Variants in RDH12 observed in about 807,000 individuals in gnomAD.
RDH12 encodes all-trans and 9-cis retinol dehydrogenase.
Under a neutral mutation model 34.0 loss-of-function variants are expected in RDH12, and 21 were observed. That is an observed-to-expected ratio of 0.62 (90% CI 0.44 to 0.89). The LOEUF (loss-of-function observed/expected upper bound fraction) is 0.89. Ranked by LOEUF, RDH12 falls within the 40% of genes least tolerant of loss-of-function variation. The probability of loss-of-function intolerance (pLI) is 0.00; values close to 1 mark genes in which losing one functional copy is unlikely to be tolerated. For synonymous variants in RDH12, 198 were observed against 169.9 expected, an observed-to-expected ratio of 1.17 and a Z score of -1.29; for missense variants, 394 against 398.6, an observed-to-expected ratio of 0.99 and a Z score of 0.10.
chr14:67,706,131 G>A (rs2037947902), intron 1 of RDH12: 1 of 152,204 alleles, frequency 6.6e-6, no homozygotes, highest in South Asian at 2.1e-4. Context: ...TACCTAAGAA[G>A]GAGAGAACTG....
At chr14:67,705,391 T>C (rs1026040028) in intron 1 of RDH12, among the ~76,000 whole-genome samples, 2 of 152,242 alleles carry the variant, frequency 1.3e-5, no homozygotes, top group African/African-American at 4.8e-5. Flanking sequence ...GTCAACAGTT[T>C]GAGAAATTTT....
chr14:67,723,136 C>T (rs2038144481), intron 3 of RDH12, among the ~76,000 whole-genome samples: 1 of 152,226 alleles, frequency 6.6e-6, no homozygotes. Flanking sequence ...AAGAAACAAA[C>T]TCTTCTGCCT....
At chr14:67,716,196 C>CAAA (rs11446343) in intron 1 of RDH12, among the ~76,000 whole-genome samples, 3 of 108,726 alleles carry the variant, frequency 2.8e-5, no homozygotes, top group Non-Finnish European at 3.8e-5. Context: ...GACTCCGTCT[C>CAAA]AAAAAAAAAA....
At chr14:67,721,717 T>C (rs2038125052) in intron 2 of RDH12, among the ~76,000 whole-genome samples, 1 of 142,226 alleles carries the variant, frequency 7.0e-6, no homozygotes, top group Admixed American at 7.5e-5. Flanking sequence ...ATGTAATAAT[T>C]GAACACTTAG....
At chr14:67,704,243 G>T (rs1384128353) in intron 1 of RDH12, among the ~76,000 whole-genome samples, 2 of 152,140 alleles carry the variant, frequency 1.3e-5, no homozygotes, top group African/African-American at 4.8e-5. Context: ...TGATTACGGG[G>T]GTAGAAGGAG....
chr14:67,715,517 C>T (rs2038058909), intron 1 of RDH12, among the ~76,000 whole-genome samples: 1 of 152,250 alleles, frequency 6.6e-6, no homozygotes, highest in South Asian at 2.1e-4. Context: ...CTGAGCACCT[C>T]ACCACAGTGC....
intron 1 of RDH12, among the ~76,000 whole-genome samples, chr14:67,711,284 C>T (rs1594859936): frequency 6.6e-6 from 1 of 152,018 alleles, no homozygotes; most frequent in Non-Finnish European, 1.5e-5. Context: ...TTTTCTAATC[C>T]CTATGCCAAA....
intron 7 of RDH12, among the ~76,000 whole-genome samples, chr14:67,728,639 C>A (rs772758437): frequency 2.7e-5 from 4 of 150,454 alleles, no homozygotes; most frequent in African/African-American, 9.8e-5. Context: ...ACATTTAAAG[C>A]ATGTTGTATG....
chr14:67,724,031 C>T (rs550386986), intron 3 of RDH12, among the ~76,000 whole-genome samples: 86 of 152,334 alleles, frequency 5.6e-4, no homozygotes, highest in African/African-American at 1.9e-3. Flanking sequence ...GTGTGCCACC[C>T]CCCACAGAGT....
At chr14:67,704,665 G>A (rs143446862) in intron 1 of RDH12, among the ~76,000 whole-genome samples, 4 of 152,200 alleles carry the variant, frequency 2.6e-5, no homozygotes, top group Non-Finnish European at 5.9e-5. Context: ...GCCCTCATGC[G>A]ACTGGAAAAG....
intron 1 of RDH12, among the ~76,000 whole-genome samples, chr14:67,716,159 T>G (rs1435961353): frequency 6.7e-6 from 1 of 148,712 alleles, no homozygotes; most frequent in East Asian, 2.0e-4. Context: ...ATCACGCCAC[T>G]GCACTCCAGC....
chr14:67,711,980 T>C (rs942764312), intron 1 of RDH12, among the ~76,000 whole-genome samples: 1 of 152,122 alleles, frequency 6.6e-6, no homozygotes, highest in African/African-American at 2.4e-5. Context: ...AGTGCAATGG[T>C]GCGATCTAGG....
chr14:67,725,241 G>A lies in RDH12; in HGVS notation c.330G>A (p.Glu110=), dbSNP rs890311309. 4 of 1,613,208 alleles carry A rather than the reference G, an allele frequency of 2.5e-6. No individual in the cohort carries two copies. The highest frequency in any genetic ancestry group is 1.3e-5 in the African/African-American group (1 of 74,908). Reference sequence around the variant, plus strand: ...CCAAATCTATCCGAGCCTTTGCTGAGGGCTTTCTGGCAGGTGAGGTCCTGA... The same window carrying A: ...CCAAATCTATCCGAGCCTTTGCTGAAGGCTTTCTGGCAGGTGAGGTCCTGA... ...SDTKSIRAFA[E]GFLAEEKQLH... is the part of the protein sequence containing the mutation. The change falls in exon 5 of 9, where the codon GAG becomes GAA. Residue 110 remains glutamate, a synonymous_variant. Coordinates refer to ENST00000551171, the MANE Select transcript of RDH12 (RefSeq NM_152443.3).
chr14:67,731,207 C>CTTTTTTTTTT (rs71129853), intron 8 of RDH12, among the ~76,000 whole-genome samples: 1 of 90,622 alleles, frequency 1.1e-5, no homozygotes, highest in African/African-American at 4.9e-5. Context: ...TTCTTTCTTT[C>CTTTTTTTTTT]TTTTTTTTTT....
At chr14:67,723,605 G>A (rs565298395) in intron 3 of RDH12, among the ~76,000 whole-genome samples, 27 of 152,306 alleles carry the variant, frequency 1.8e-4, no homozygotes, top group South Asian at 2.1e-4. Context: ...GTTCTCCATA[G>A]AGATCTGGGT....
At chr14:67,732,534 A>G in intron 8 of RDH12, among the ~76,000 whole-genome samples, 1 of 104,710 alleles carries the variant, frequency 9.6e-6, no homozygotes, top group Non-Finnish European at 2.3e-5. Flanking sequence ...ATCCAAACAA[A>G]GCAAAAAAAA....
chr14:67,724,472 G>A lies in RDH12; in HGVS notation c.69-1G>A, dbSNP rs373279009. On this transcript the variant is annotated splice_acceptor_variant, in intron 3 of 8. Coordinates refer to ENST00000551171, the MANE Select transcript of RDH12 (RefSeq NM_152443.3). LOFTEE classifies it high-confidence loss of function. ...GATGCTCTTGTTTCCCTTGCCGATA[G>A]GAAGTTCTTTGCTGGTGGAGTGTGT... is the stretch of plus-strand genomic sequence containing the variant. 5 of 1,589,234 alleles carry A rather than the reference G, an allele frequency of 3.1e-6. No individual in the cohort carries two copies. The highest frequency in any genetic ancestry group is 4.3e-6 in the Non-Finnish European group (5 of 1,165,404).
intron 1 of RDH12, among the ~76,000 whole-genome samples, chr14:67,715,960 C>A (rs930923010): frequency 5.3e-5 from 8 of 152,122 alleles, no homozygotes; most frequent in Admixed American, 5.2e-4. Flanking sequence ...CTTTGGGAGG[C>A]CGAGGCGGGC....
intron 2 of RDH12, 92 bp from the exon 3 acceptor site, chr14:67,722,332 G>A: frequency 4.2e-6 from 2 of 480,336 alleles, no homozygotes; most frequent in South Asian, 2.2e-5. Flanking sequence ...AGGATGGGGG[G>A]TTTAGGGGGT....
Sources: allele counts gnomAD v4.1 joint callset (sites outside exome capture counted in the v4.1 genomes callset), GRCh38; gene constraint gnomAD v4.1.1; transcripts MANE v1.5; gene names NCBI Gene and HGNC (gene_info 2026-07-23, HGNC 2026-07-21).